TERB2: variants seen among roughly 807,000 people sequenced by gnomAD.
TERB2 encodes telomere repeats-binding bouquet formation protein 2.
A neutral mutation model predicts 29.8 loss-of-function variants in TERB2; 26 were observed. The ratio of observed to expected loss-of-function variants is 0.87; its 90% confidence interval spans 0.64 to 1.21. TERB2 has a LOEUF of 1.21. Among genes scored for constraint, TERB2 ranks in the 50% most tolerant of loss-of-function variants. The pLI, the probability that TERB2 is intolerant of heterozygous loss-of-function variation, is 0.00. For synonymous variants in TERB2, 80 were observed against 90.8 expected, an observed-to-expected ratio of 0.88 and a Z score of 0.68; for missense variants, 240 against 268.6, an observed-to-expected ratio of 0.89 and a Z score of 0.74.
At chr15:44,964,482 CTTTAGAG>C (rs1293546446) in intron 4 of TERB2, among the ~76,000 whole-genome samples, 1 of 151,980 alleles carries the variant, frequency 6.6e-6, no homozygotes, top group East Asian at 1.9e-4. Flanking sequence ...TCTAGCAGAA[CTTTAGAG>C]TTTAAAGATC....
chr15:44,968,432 G>T (rs1170610042), intron 5 of TERB2, among the ~76,000 whole-genome samples: 1 of 151,960 alleles, frequency 6.6e-6, no homozygotes, highest in African/African-American at 2.4e-5. Context: ...TGTTGCCCAG[G>T]CTGGTCTCAA....
chr15:44,960,562 AT>A (rs1891785039), intron 3 of TERB2, among the ~76,000 whole-genome samples: 1 of 152,120 alleles, frequency 6.6e-6, no homozygotes, highest in South Asian at 2.1e-4. Flanking sequence ...TTAGAAATAT[AT>A]TTTATTTAAC....
intron 5 of TERB2, among the ~76,000 whole-genome samples, chr15:44,968,698 G>A (rs1311472948): frequency 6.9e-6 from 1 of 145,812 alleles, no homozygotes; most frequent in African/African-American, 2.6e-5. Context: ...AGGCTGAAGT[G>A]AGAGATCCTC....
chr15:44,968,116 T>C (rs1318085907), intron 5 of TERB2, among the ~76,000 whole-genome samples: 3 of 143,760 alleles, frequency 2.1e-5, no homozygotes, highest in Non-Finnish European at 1.5e-5. Context: ...GGGACGTTGA[T>C]TTTTTTTACA....
Position 44,956,696 on chromosome 15 carries a change from A to G in TERB2, c.-23A>G, listed in dbSNP as rs1290689550. The G allele has an allele frequency of 3.2e-6, 5 of 1,579,766 alleles. No individual in the cohort carries two copies. Among genetic ancestry groups the G allele is most frequent in the South Asian group, 1.2e-5 (1 of 86,756 alleles). Reference sequence around the variant, plus strand: ...TCAGCTCTGCGGCCTCCTCTCTCACATCTCCACAGGCTTGGCGACGCCATG... The same window carrying G: ...TCAGCTCTGCGGCCTCCTCTCTCACGTCTCCACAGGCTTGGCGACGCCATG... On this transcript the variant is annotated 5_prime_UTR_variant, in exon 1 of 7. Transcript: ENST00000340827.
Position 44,956,748 on chromosome 15 carries a change from C to G in TERB2, c.30C>G (p.Cys10Trp). MFQGQRGWF[C>W]GSVSQDLRQF... ...TTCAAGGGCAGCGCGGTTGGTTTTG[C>G]GGCAGCGTTAGCCAGGATCTGAGGC... is the stretch of plus-strand genomic sequence containing the variant. The change falls in exon 1 of 7, where the codon TGC (cysteine) becomes TGG (tryptophan). Residue 10 changes from cysteine (C) to tryptophan (W), a missense_variant. By Grantham distance (215) the Cys-to-Trp change is radical. Coordinates refer to ENST00000340827, the MANE Select transcript of TERB2 (RefSeq NM_152448.3). 1 of 1,612,612 alleles carries G rather than the reference C, an allele frequency of 6.2e-7. No homozygotes were observed. Among genetic ancestry groups the G allele is most frequent in the Non-Finnish European group, 8.5e-7 (1 of 1,179,424 alleles).
intron 6 of TERB2, among the ~76,000 whole-genome samples, chr15:44,977,195 A>C (rs974349949): frequency 5.9e-5 from 9 of 152,134 alleles, no homozygotes; most frequent in Non-Finnish European, 1.2e-4. Context: ...AGTCCCAGCA[A>C]TATGCCTGCC....
At chr15:44,957,049 A>G (rs1891726928) in intron 2 of TERB2, 72 bp downstream of exon 2, 2 of 1,469,406 alleles carry the variant, frequency 1.4e-6, no homozygotes, top group Admixed American at 3.5e-5. Context: ...GTTGCAGTCC[A>G]CTAATAAATA....
chr15:44,975,604 G>A (rs933051210), intron 6 of TERB2, among the ~76,000 whole-genome samples: 9 of 152,048 alleles, frequency 5.9e-5, no homozygotes, highest in Non-Finnish European at 1.0e-4. Context: ...TGGCATTTTA[G>A]GCCAGATAAT....
At chr15:44,969,627 A>G (rs1426911992) in intron 5 of TERB2, among the ~76,000 whole-genome samples, 1 of 151,032 alleles carries the variant, frequency 6.6e-6, no homozygotes, top group Non-Finnish European at 1.5e-5. Context: ...AGTCACTACA[A>G]AAGATAAAAA....
chr15:44,957,909 G>A (rs1446898017), intron 2 of TERB2, among the ~76,000 whole-genome samples: 1 of 145,124 alleles, frequency 6.9e-6, no homozygotes, highest in Non-Finnish European at 1.5e-5. Context: ...CAGTCAACCC[G>A]AACTGCCATT....
At chr15:44,963,125 T>A (rs1891832774) in intron 4 of TERB2, among the ~76,000 whole-genome samples, 1 of 152,146 alleles carries the variant, frequency 6.6e-6, no homozygotes, top group South Asian at 2.1e-4. Flanking sequence ...TAATAATTGA[T>A]TTAGATAAGG....
At chr15:44,971,361 A>G (rs895137872) in intron 5 of TERB2, among the ~76,000 whole-genome samples, 1 of 152,192 alleles carries the variant, frequency 6.6e-6, no homozygotes, top group African/African-American at 2.4e-5. Flanking sequence ...ACCCATTTGG[A>G]ATTCCTTAAG....
chr15:44,969,256 AC>A (rs1248811347), intron 5 of TERB2, among the ~76,000 whole-genome samples: 1 of 151,560 alleles, frequency 6.6e-6, no homozygotes, highest in East Asian at 2.0e-4. Context: ...GCTGTGTACC[AC>A]CCCGTCTAGC....
rs34777163 is a variant in TERB2 at position 44,971,824 on chromosome 15, T to TCC, written c.435-2035_435-2034dup. Among the ~76,000 whole-genome samples, 345 of 147,634 alleles carry TCC rather than the reference T, an allele frequency of 2.3e-3. 5 individuals carry two copies. In the South Asian group the frequency reaches 0.045, roughly 19 times the overall value. ...CTTTCACAACATCTCTTCCTTTTCA[T>TCC]CCCCCCCCCTCCTTTTTTCCCTTTA... On this transcript the variant is annotated intron_variant, in intron 5 of 6. Transcript: ENST00000340827.
intron 4 of TERB2, among the ~76,000 whole-genome samples, chr15:44,964,420 C>G (rs378325): frequency 5.9e-5 from 9 of 151,772 alleles, no homozygotes; most frequent in African/African-American, 4.8e-5. Context: ...CACAGTGTTT[C>G]CAGGAATGTG....
intron 5 of TERB2, among the ~76,000 whole-genome samples, chr15:44,969,265 A>G (rs558633576): frequency 6.6e-6 from 1 of 152,146 alleles, no homozygotes; most frequent in East Asian, 1.9e-4. Context: ...CACCCCGTCT[A>G]GCCAATTTTT....
intron 4 of TERB2, among the ~76,000 whole-genome samples, chr15:44,964,887 C>T (rs938275873): frequency 8.6e-5 from 13 of 151,726 alleles, no homozygotes; most frequent in African/African-American, 2.7e-4. Context: ...GGTGGCTGGG[C>T]GCAGTGGGTC....
At chr15:44,960,682 C>G (rs1844361425) in intron 3 of TERB2, among the ~76,000 whole-genome samples, 1 of 152,096 alleles carries the variant, frequency 6.6e-6, no homozygotes, top group South Asian at 2.1e-4. Flanking sequence ...TTTATACTTA[C>G]AGCACCTCTC....
Sources: allele counts gnomAD v4.1 joint callset (sites outside exome capture counted in the v4.1 genomes callset), GRCh38; gene constraint gnomAD v4.1.1; transcripts MANE v1.5; gene names NCBI Gene and HGNC (gene_info 2026-07-23, HGNC 2026-07-21).